Variants in MYO16 observed in about 807,000 individuals in gnomAD.
The protein encoded by MYO16 is unconventional myosin-XVI.
Under a neutral mutation model 205.3 loss-of-function variants are expected in MYO16, and 94 were observed. That is an observed-to-expected ratio of 0.46 (90% CI 0.39 to 0.54). The LOEUF is 0.54. Ranked by LOEUF, MYO16 falls within the 20% of genes least tolerant of loss-of-function variation. MYO16 has a pLI of 0.00. For missense variants in MYO16, 2,315 were observed against 2,387.5 expected (o/e 0.97, Z 0.63); for synonymous variants, 988 against 954.0 (o/e 1.04, Z -0.66).
intron 4 of MYO16, among the ~76,000 whole-genome samples, chr13:108,770,047 T>C (rs1885911394): frequency 6.6e-6 from 1 of 152,140 alleles, no homozygotes; most frequent in Non-Finnish European, 1.5e-5. Context: ...ATAAATGTAA[T>C]GGAATGTGGC....
Position 109,207,059 on chromosome 13 carries a change from A to T in MYO16, c.*223A>T, listed in dbSNP as rs1880631547. 1.9e-6 allele frequency: 1 copy of T among 519,294 alleles called. No homozygotes were observed. The highest frequency in any genetic ancestry group is 3.4e-6 in the Non-Finnish European group (1 of 289,980). 32.2% of individuals were successfully genotyped at this position (519,294 alleles called of 1,614,324 possible). A position where few individuals can be genotyped will look rare whatever the true frequency, so the allele number is the denominator to read the frequency against. The stretch of plus-strand genomic sequence containing the variant: ...ATCCATCTCGTGGTGATACACTCTG[A>T]TTTTCAAGCTCCTCATTTACGGCTC... On this transcript the variant is annotated 3_prime_UTR_variant, in exon 35 of 35. Coordinates refer to ENST00000457511, the MANE Select transcript of MYO16 (RefSeq NM_001198950.3).
At chr13:108,961,911 G>T (rs1465322276) in intron 18 of MYO16, among the ~76,000 whole-genome samples, 1 of 152,152 alleles carries the variant, frequency 6.6e-6, no homozygotes, top group Non-Finnish European at 1.5e-5. Context: ...CATACTTGTT[G>T]TTTATTTATA....
rs115720628 is a variant in MYO16, at chr13:108,931,138, G to C, written c.1925+20988G>C. 8.9e-3 allele frequency among the ~76,000 whole-genome samples: 1,360 copies of C among 152,234 alleles called. 29 individuals are homozygous for C. Among genetic ancestry groups the C allele is most frequent in the African/African-American group, 0.031 (1,307 of 41,546 alleles). ...TTCCATCTGAACAGCTGTTTCACCT[G>C]TTTTATATGTTAGAATTCATATGAT... On this transcript the variant is annotated intron_variant, in intron 16 of 34. Transcript: ENST00000457511.
chr13:108,776,126 C>T (rs1886116480), intron 4 of MYO16, among the ~76,000 whole-genome samples: 1 of 152,174 alleles, frequency 6.6e-6, no homozygotes, highest in Non-Finnish European at 1.5e-5. Flanking sequence ...AAGGTGTTAT[C>T]TCCAAATGCA....
intron 33 of MYO16, among the ~76,000 whole-genome samples, chr13:109,172,066 A>C (rs1878944095): frequency 6.6e-6 from 1 of 152,156 alleles, no homozygotes; most frequent in Admixed American, 6.5e-5. Flanking sequence ...GCCAAACCAC[A>C]CCAGTTCTGG....
At chr13:108,546,933 G>C in the MYO16 span, among the ~76,000 whole-genome samples, 1 of 152,142 alleles carries the variant, frequency 6.6e-6, no homozygotes, top group African/African-American at 2.4e-5. Flanking sequence ...GAAAGGCATA[G>C]AACAGAATCA....
intron 32 of MYO16, among the ~76,000 whole-genome samples, chr13:109,148,563 A>G (rs1877469301): frequency 6.6e-6 from 1 of 152,222 alleles, no homozygotes; most frequent in Non-Finnish European, 1.5e-5. Context: ...GAAATTCCAA[A>G]GAGGAGAGAA....
chr13:108,843,397 T>G (rs1395587993), intron 9 of MYO16, among the ~76,000 whole-genome samples: 2 of 152,156 alleles, frequency 1.3e-5, no homozygotes, highest in African/African-American at 4.8e-5. Context: ...TATACATTGC[T>G]GGTTATTTTG....
At chr13:109,044,167 G>A (rs1647057243) in intron 23 of MYO16, among the ~76,000 whole-genome samples, 1 of 152,110 alleles carries the variant, frequency 6.6e-6, no homozygotes, top group African/African-American at 2.4e-5. Flanking sequence ...GCTTATCAGT[G>A]GCTTTTGCTA....
intron 1 of MYO16, among the ~76,000 whole-genome samples, chr13:108,636,017 T>C (rs1226254704): frequency 6.6e-6 from 1 of 152,204 alleles, no homozygotes; most frequent in African/African-American, 2.4e-5. Context: ...AATTAAGGTG[T>C]GTGTGTGTGA....
intron 28 of MYO16, among the ~76,000 whole-genome samples, chr13:109,103,612 C>T (rs1243413527): frequency 6.6e-6 from 1 of 151,568 alleles, no homozygotes; most frequent in African/African-American, 2.4e-5. Flanking sequence ...GGAGATCTGG[C>T]AGGTTTTCTC....
intron 4 of MYO16, among the ~76,000 whole-genome samples, chr13:108,771,118 G>T (rs1885948401): frequency 6.6e-6 from 1 of 152,176 alleles, no homozygotes; most frequent in African/African-American, 2.4e-5. Flanking sequence ...ACAGAGGACT[G>T]TCCTCTCAGT....
At chr13:109,051,259 G>A (rs1428560144) in intron 24 of MYO16, among the ~76,000 whole-genome samples, 1 of 151,968 alleles carries the variant, frequency 6.6e-6, no homozygotes, top group African/African-American at 2.4e-5. Context: ...ATTACCTAAT[G>A]TAGGGATTTT....
intron 2 of MYO16, among the ~76,000 whole-genome samples, chr13:108,668,769 A>G (rs1020283355): frequency 6.6e-6 from 1 of 152,142 alleles, no homozygotes; most frequent in African/African-American, 2.4e-5. Context: ...CTCCTGGGCT[A>G]TGCAGGTTCA....
intron 2 of MYO16, among the ~76,000 whole-genome samples, chr13:108,679,320 T>C (rs1336432135): frequency 1.3e-5 from 2 of 152,192 alleles, no homozygotes; most frequent in African/African-American, 4.8e-5. Flanking sequence ...TTCTTTTTCA[T>C]TGCACTTATA....
intron 32 of MYO16, among the ~76,000 whole-genome samples, chr13:109,142,527 A>T (rs1194048182): frequency 6.6e-6 from 1 of 151,914 alleles, no homozygotes; most frequent in East Asian, 1.9e-4. Flanking sequence ...ACCCAAGGCT[A>T]CTCCCTCTGC....
chr13:109,002,080 C>G (rs1885233723), intron 21 of MYO16, among the ~76,000 whole-genome samples: 1 of 152,152 alleles, frequency 6.6e-6, no homozygotes, highest in South Asian at 2.1e-4. Context: ...ATTAGAATCA[C>G]CTGGAAAGCT....
chr13:109,022,745 T>C (rs970987334), intron 23 of MYO16, among the ~76,000 whole-genome samples: 39 of 130,072 alleles, frequency 3.0e-4, no homozygotes, highest in Non-Finnish European at 7.8e-5. Flanking sequence ...ATTATATATA[T>C]GCATATAAAC....
At chr13:108,704,367 T>C (rs1883423610) in intron 2 of MYO16, among the ~76,000 whole-genome samples, 1 of 152,212 alleles carries the variant, frequency 6.6e-6, no homozygotes, top group Non-Finnish European at 1.5e-5. Context: ...CATCTTTCTT[T>C]AAGAATTTCG....
Sources: gnomAD v4.1 joint callset for allele counts (sites outside exome capture counted in the v4.1 genomes callset) on GRCh38, gnomAD v4.1.1 for gene constraint, MANE v1.5 for transcripts, NCBI Gene and HGNC (gene_info 2026-07-23, HGNC 2026-07-21) for gene names.